SUCO: variants seen among roughly 807,000 people sequenced by gnomAD.
The protein encoded by SUCO is SUN domain containing ossification factor, also known as SUN domain-containing ossification factor.
In SUCO, 57 loss-of-function variants were observed where a neutral mutation model predicts 148.1. The observed-to-expected ratio is 0.38, with a 90% confidence interval of 0.31 to 0.48. The LOEUF (loss-of-function observed/expected upper bound fraction) is 0.48, where lower values mean the gene tolerates loss of function less well. SUCO is among the 20% of genes least tolerant of loss of function. The probability of loss-of-function intolerance (pLI) is 0.96; values close to 1 mark genes in which losing one functional copy is unlikely to be tolerated. For synonymous variants in SUCO, 470 were observed against 502.7 expected (o/e 0.93, Z 0.87); for missense variants, 1,331 against 1,468.2 (o/e 0.91, Z 1.53).
intron 19 of SUCO, among the ~76,000 whole-genome samples, chr1:172,595,972 A>G (rs1032768499): frequency 6.6e-6 from 1 of 151,950 alleles, no homozygotes; most frequent in Non-Finnish European, 1.5e-5. Flanking sequence ...GTCCTTGTTC[A>G]TTTGTTTTTA....
At chr1:172,552,872 C>T (rs542585711) in intron 2 of SUCO, among the ~76,000 whole-genome samples, 1 of 151,928 alleles carries the variant, frequency 6.6e-6, no homozygotes, top group Non-Finnish European at 1.5e-5. Flanking sequence ...GAAAATTACA[C>T]TCTAGAAGGC....
Position 172,585,032 on chromosome 1 carries a change from A to G in SUCO, c.1513A>G (p.Met505Val). The change falls in exon 16 of 24, where the codon ATG becomes GTG. Residue 505 changes from methionine to valine, a missense_variant. By Grantham distance (21) the Met-to-Val change is conservative (BLOSUM62 1). Transcript: ENST00000263688. ...LGSATNAILN[M>V]VNIAANILGA... ...TTTTGTTTTAGATGCCATTCTAAAT[A>G]TGGTGAATATTGCTGCTAATATTCT... The G allele has an allele frequency of 1.2e-6, 2 of 1,602,296 alleles. No homozygotes were observed. The highest frequency in any genetic ancestry group is 1.1e-5 in the South Asian group (1 of 88,890).
rs565603399 is a variant in SUCO at position 172,610,668 on chromosome 1, T to G, written c.*409T>G. ...ATGCCACTGGAAGAGGAGGGATAAC[T>G]TTTTCTGTTATTTGATTTCTTTTAT... On this transcript the variant is annotated 3_prime_UTR_variant, in exon 24 of 24. Coordinates refer to ENST00000263688, the MANE Select transcript of SUCO (RefSeq NM_014283.5). 6.4e-6 allele frequency: 1 copy of G among 156,230 alleles called. No individual in the cohort carries two copies. Among genetic ancestry groups the G allele is most frequent in the East Asian group, 1.9e-4 (1 of 5,310 alleles). 9.7% of individuals were successfully genotyped at this position (156,230 alleles called of 1,614,324 possible).
upstream of SUCO, chr1:172,532,860 A>G (rs575134957): frequency 4.6e-6 from 7 of 1,526,556 alleles, no homozygotes; most frequent in African/African-American, 5.6e-5. Flanking sequence ...TCTGAACGCA[A>G]GCCAGCAAGT....
chr1:172,589,246 T>C lies in SUCO; in HGVS notation c.2145T>C (p.Thr715=). 1 of 1,613,956 alleles carries C rather than the reference T, an allele frequency of 6.2e-7. No homozygotes were observed. Among genetic ancestry groups the C allele is most frequent in the Non-Finnish European group, 8.5e-7 (1 of 1,179,902 alleles). Residue 715 remains threonine, a synonymous_variant, in exon 18 of 24, where the codon ACT becomes ACC. Transcript: ENST00000263688. ...SMHQDDLVNH[T]VDAVELEPSH... is the part of the protein sequence containing the mutation. ...ACCAGGATGACTTGGTGAATCACACTGTAGATGCAGTTGAACTTGAACCAA... is the reference window on the plus strand; with the variant it reads ...ACCAGGATGACTTGGTGAATCACACCGTAGATGCAGTTGAACTTGAACCAA...
chr1:172,596,823 G>C (rs1015777091), intron 19 of SUCO, among the ~76,000 whole-genome samples: 3 of 152,180 alleles, frequency 2.0e-5, no homozygotes, highest in Non-Finnish European at 4.4e-5. Flanking sequence ...GCTGTCAGAC[G>C]GGGACGTTTA....
At chr1:172,533,723 G>A (rs1420488927) in intron 1 of SUCO, among the ~76,000 whole-genome samples, 1 of 152,228 alleles carries the variant, frequency 6.6e-6, no homozygotes, top group African/African-American at 2.4e-5. Context: ...CAGTGGGAGA[G>A]AGAGAGGTGC....
chr1:172,541,953 G>A (rs930914787), intron 1 of SUCO: 2 of 565,140 alleles, frequency 3.5e-6, no homozygotes, highest in African/African-American at 4.1e-5. Context: ...AAGAATTGGT[G>A]GTGGTCAAAA....
Position 172,589,028 on chromosome 1 carries a change from C to T in SUCO, c.1927C>T (p.Leu643Phe). Residue 643 changes from leucine (L) to phenylalanine (F), a missense_variant, in exon 18 of 24, where the codon CTT (leucine) becomes TTT (phenylalanine). Leu to Phe is a conservative substitution (Grantham distance 22). Coordinates refer to ENST00000263688, the MANE Select transcript of SUCO (RefSeq NM_014283.5). ...IYKWCSVRVA[L>F]YRQRSRTALS... ...TAAATGGTGTTCAGTTAGAGTTGCT[C>T]TTTATCGGCAGCGCAGCCGAACTGC... is the stretch of plus-strand genomic sequence containing the variant. 1 of 1,613,578 alleles carries T rather than the reference C, an allele frequency of 6.2e-7. No homozygotes were observed. Among genetic ancestry groups the T allele is most frequent in the Non-Finnish European group, 8.5e-7 (1 of 1,179,772 alleles).
At chr1:172,556,070 G>T in intron 4 of SUCO, 47 bp downstream of exon 4, 1 of 1,490,930 alleles carries the variant, frequency 6.7e-7, no homozygotes, top group Non-Finnish European at 9.2e-7. Context: ...TCCTTAGTTA[G>T]TGATAGAAAA....
intron 1 of SUCO, chr1:172,543,985 T>G (rs1304958402): frequency 6.5e-6 from 1 of 154,150 alleles, no homozygotes; most frequent in Non-Finnish European, 1.4e-5. Flanking sequence ...CCTGGTGATC[T>G]TTTGGTCTTG....
intron 22 of SUCO, among the ~76,000 whole-genome samples, chr1:172,606,233 G>A (rs1289097741): frequency 4.6e-5 from 7 of 150,908 alleles, no homozygotes. Flanking sequence ...TTGGATTTTG[G>A]TATGTAAGGT....
chr1:172,592,242 T>C (rs1656727337), intron 19 of SUCO, among the ~76,000 whole-genome samples: 1 of 152,242 alleles, frequency 6.6e-6, no homozygotes, highest in Admixed American at 6.5e-5. Context: ...TTCACTCTGA[T>C]GGTAGTTTCT....
At chr1:172,609,375 C>G (rs990008043) in intron 23 of SUCO, 1 of 976,598 alleles carries the variant, frequency 1.0e-6, no homozygotes, top group Non-Finnish European at 1.2e-6. Flanking sequence ...GGCAAATAGC[C>G]TAAGATTCAT....
intron 13 of SUCO, 90 bp downstream of exon 13, chr1:172,577,909 C>T: frequency 2.1e-6 from 2 of 971,470 alleles, no homozygotes; most frequent in Non-Finnish European, 3.0e-6. Flanking sequence ...ATAATTTTCT[C>T]TTACGTGAGT....
intron 9 of SUCO, among the ~76,000 whole-genome samples, chr1:172,571,482 C>T (rs1654979505): frequency 1.3e-5 from 2 of 151,670 alleles, no homozygotes; most frequent in Non-Finnish European, 2.9e-5. Flanking sequence ...GGCCGCCACC[C>T]CGTCTGGGAA....
At chr1:172,532,898 C>G, upstream of SUCO, 1 of 1,437,776 alleles carries the variant, frequency 7.0e-7, no homozygotes, top group Non-Finnish European at 9.3e-7. Context: ...GGCGGAGCGG[C>G]GAGAGCATCT....
At chr1:172,602,454 G>A (rs1657590233) in intron 21 of SUCO, 2 of 981,588 alleles carry the variant, frequency 2.0e-6, no homozygotes, top group African/African-American at 1.8e-5. Flanking sequence ...TGAAATATTT[G>A]GTTGAGAAAG....
intron 23 of SUCO, chr1:172,609,570 C>G: frequency 1.0e-6 from 1 of 984,368 alleles, no homozygotes; most frequent in Non-Finnish European, 1.2e-6. Context: ...GTATCACTCC[C>G]TAAACCTATA....
Sources: gnomAD v4.1 joint callset for allele counts (sites outside exome capture counted in the v4.1 genomes callset) on GRCh38, gnomAD v4.1.1 for gene constraint, MANE v1.5 for transcripts, NCBI Gene and HGNC (gene_info 2026-07-23, HGNC 2026-07-21) for gene names.